Variants in PIWIL2 observed in about 807,000 individuals in gnomAD.
PIWIL2 encodes the protein piwi-like protein 2.
In PIWIL2, 81 loss-of-function variants were observed where a neutral mutation model predicts 116.5. The ratio of observed to expected loss-of-function variants is 0.70; its 90% CI spans 0.58 to 0.84. PIWIL2 has a LOEUF of 0.84. Among genes scored for constraint, PIWIL2 ranks in the 40% least tolerant of loss-of-function variants. PIWIL2 has a pLI of 0.00. For synonymous variants in PIWIL2, 489 were observed against 429.5 expected (o/e 1.14, Z -1.71); for missense variants, 1,272 against 1,212.3 (o/e 1.05, Z -0.73).
intron 13 of PIWIL2, among the ~76,000 whole-genome samples, 194 bp from the exon 14 acceptor site, chr8:22,307,739 A>C (rs933339663): frequency 2.0e-5 from 3 of 151,980 alleles, no homozygotes; most frequent in African/African-American, 7.3e-5. Flanking sequence ...CACCCACCTC[A>C]TCCTTCCAAT....
chr8:22,342,856 G>A (rs976991642), intron 20 of PIWIL2, among the ~76,000 whole-genome samples: 3 of 152,160 alleles, frequency 2.0e-5, no homozygotes, highest in African/African-American at 4.8e-5. Context: ...TGCAAAACAC[G>A]TATCTGATAA....
intron 6 of PIWIL2, among the ~76,000 whole-genome samples, chr8:22,285,202 A>T (rs1003325839): frequency 1.3e-5 from 2 of 152,172 alleles, no homozygotes; most frequent in African/African-American, 4.8e-5. Flanking sequence ...TGTACATTTT[A>T]ACCAACATCT....
At chr8:22,311,766 A>G (rs1014952888) in intron 16 of PIWIL2, among the ~76,000 whole-genome samples, 8 of 150,384 alleles carry the variant, frequency 5.3e-5, no homozygotes, top group African/African-American at 7.6e-5. Flanking sequence ...AGCACTCACA[A>G]CTTAGTTATT....
At chr8:22,340,867 A>G (rs1332696772) in intron 20 of PIWIL2, among the ~76,000 whole-genome samples, 1 of 151,904 alleles carries the variant, frequency 6.6e-6, no homozygotes, top group Admixed American at 6.6e-5. Context: ...ATGCGCCACC[A>G]TTTCTGGCTA....
Position 22,314,044 on chromosome 8 carries a change from G to A in PIWIL2, c.1990-284G>A, listed in dbSNP as rs546976470. On this transcript the variant is annotated intron_variant, in intron 16 of 22. Transcript: ENST00000356766. Reference sequence around the variant, plus strand: ...TGCATTCAAACCTGGTCCTTTTCCAGCCATCTGAGTCTTCTAATAGATAAA... The same window carrying A: ...TGCATTCAAACCTGGTCCTTTTCCAACCATCTGAGTCTTCTAATAGATAAA... 3.3e-5 allele frequency among the ~76,000 whole-genome samples: 5 copies of A among 152,280 alleles called. No homozygotes were observed. In the East Asian group the frequency reaches 9.6e-4, roughly 29 times the overall value.
At position 22,355,725 on chromosome 8, in the gene PIWIL2, C is replaced by T. The variant is rs1228761042; in HGVS notation, c.*220C>T. 1.8e-6 allele frequency: 1 copy of T among 543,634 alleles called. No individual in the cohort carries two copies. The highest frequency in any genetic ancestry group is 3.3e-6 in the Non-Finnish European group (1 of 304,140). 33.7% of individuals were successfully genotyped at this position (543,634 alleles called of 1,614,324 possible). On this transcript the variant is annotated 3_prime_UTR_variant, in exon 23 of 23. Transcript: ENST00000356766. The stretch of plus-strand genomic sequence containing the variant: ...AAATGGCCTTGTTGCCTGTGTAGAG[C>T]AAGTTACGGTGGTACTGCCACTCTG...
intron 1 of PIWIL2, among the ~76,000 whole-genome samples, chr8:22,276,231 C>A (rs13259097): frequency 1.3e-5 from 2 of 152,080 alleles, no homozygotes; most frequent in Non-Finnish European, 2.9e-5. Flanking sequence ...TCTGCACTTA[C>A]GCTGTGGGTT....
At chr8:22,316,473 A>G in intron 19 of PIWIL2, 140 bp downstream of exon 19, 1 of 615,190 alleles carries the variant, frequency 1.6e-6, no homozygotes. Context: ...TCTTCATGTG[A>G]ATTTTTTTTT....
intron 20 of PIWIL2, among the ~76,000 whole-genome samples, chr8:22,331,467 G>A (rs1409317619): frequency 2.0e-5 from 3 of 151,780 alleles, no homozygotes; most frequent in Non-Finnish European, 4.4e-5. Context: ...TCAACAGAGC[G>A]AGACCCTGTT....
chr8:22,323,106 G>A (rs537331294), intron 20 of PIWIL2, among the ~76,000 whole-genome samples: 5 of 141,716 alleles, frequency 3.5e-5, no homozygotes, highest in Non-Finnish European at 6.0e-5. Context: ...TAGAGACGGG[G>A]TTTCACTGTG....
intron 20 of PIWIL2, among the ~76,000 whole-genome samples, chr8:22,333,577 A>C (rs1366219504): frequency 1.3e-5 from 2 of 151,958 alleles, no homozygotes; most frequent in African/African-American, 2.4e-5. Flanking sequence ...ACGCCATTCA[A>C]CTCCAGCCTG....
At chr8:22,350,351 T>C (rs1282737629) in intron 20 of PIWIL2, among the ~76,000 whole-genome samples, 1 of 152,144 alleles carries the variant, frequency 6.6e-6, no homozygotes, top group African/African-American at 2.4e-5. Flanking sequence ...ATCTCAGCAC[T>C]TTGGGAGGCC....
chr8:22,347,426 C>G (rs556202105), intron 20 of PIWIL2, among the ~76,000 whole-genome samples: 2 of 151,588 alleles, frequency 1.3e-5, no homozygotes, highest in South Asian at 4.2e-4. Context: ...ACCATGTTAG[C>G]CAGGATGGTC....
intron 16 of PIWIL2, 69 bp from the exon 17 acceptor site, chr8:22,314,259 C>A: frequency 1.4e-6 from 1 of 731,340 alleles, no homozygotes; most frequent in South Asian, 2.8e-5. Flanking sequence ...AGAATACTGC[C>A]AACTAGAGTC....
At chr8:22,280,564 A>G (rs546759305) in intron 2 of PIWIL2, among the ~76,000 whole-genome samples, 3 of 152,346 alleles carry the variant, frequency 2.0e-5, no homozygotes, top group Admixed American at 2.0e-4. Context: ...TGTTGACTCA[A>G]ATGAATTGCT....
intron 10 of PIWIL2, among the ~76,000 whole-genome samples, chr8:22,303,050 C>G (rs2132027899): frequency 6.6e-6 from 1 of 152,258 alleles, no homozygotes; most frequent in South Asian, 2.1e-4. Context: ...CTTTTTGGTT[C>G]TATTTCTGTA....
intron 13 of PIWIL2, among the ~76,000 whole-genome samples, chr8:22,307,582 A>G (rs1831216580): frequency 6.8e-6 from 1 of 147,322 alleles, no homozygotes; most frequent in African/African-American, 2.6e-5. Context: ...CCTTGGGCTC[A>G]AGTGATCCTC....
chr8:22,309,833 A>G (rs748290807), intron 14 of PIWIL2, 128 bp from the exon 15 acceptor site: 6 of 566,694 alleles, frequency 1.1e-5, no homozygotes, highest in African/African-American at 9.3e-5. Flanking sequence ...TTATTCTGCT[A>G]GTCTCAAAAG....
At chr8:22,299,088 A>T (rs1377349518) in intron 10 of PIWIL2, among the ~76,000 whole-genome samples, 1 of 152,080 alleles carries the variant, frequency 6.6e-6, no homozygotes, top group Non-Finnish European at 1.5e-5. Flanking sequence ...TCTCAGGAGT[A>T]TATGAATATT....
Sources: allele counts gnomAD v4.1 joint callset (sites outside exome capture counted in the v4.1 genomes callset), GRCh38; gene constraint gnomAD v4.1.1; transcripts MANE v1.5; gene names NCBI Gene and HGNC (gene_info 2026-07-23, HGNC 2026-07-21).